Variants in KCNIP1 observed in about 807,000 individuals in gnomAD.
KCNIP1 encodes A-type potassium channel modulatory protein KCNIP1.
A neutral mutation model predicts 33.0 loss-of-function variants in KCNIP1; 18 were observed. That is an observed-to-expected ratio of 0.55 (90% confidence interval 0.38 to 0.81). The LOEUF (loss-of-function observed/expected upper bound fraction) is 0.81. Ranked by LOEUF, KCNIP1 falls within the 30% of genes least tolerant of loss-of-function variation. The pLI, the probability that KCNIP1 is intolerant of heterozygous loss-of-function variation, is 0.00. For synonymous variants in KCNIP1, 93 were observed against 98.3 expected (o/e 0.95, Z 0.32); for missense variants, 238 against 271.6 (o/e 0.88, Z 0.87).
At chr5:170,721,394 A>G (rs112367153) in intron 3 of KCNIP1, among the ~76,000 whole-genome samples, 4,737 of 152,234 alleles carry the variant, frequency 0.031, 86 homozygotes, top group African/African-American at 0.041. Context: ...CATTGTAGAG[A>G]GGTAGGAAAG....
At chr5:170,643,402 C>T (rs991222463) in intron 1 of KCNIP1, among the ~76,000 whole-genome samples, 7 of 152,228 alleles carry the variant, frequency 4.6e-5, no homozygotes, top group Non-Finnish European at 7.3e-5. Context: ...TATGAGAAAC[C>T]AAAACACCAG....
chr5:170,474,746 G>C (rs1326254946), intron 1 of KCNIP1, among the ~76,000 whole-genome samples: 1 of 152,208 alleles, frequency 6.6e-6, no homozygotes, highest in Non-Finnish European at 1.5e-5. Context: ...CAGGTGTTGT[G>C]TCCGTGGGTC....
intron 3 of KCNIP1, 84 bp downstream of exon 3, chr5:170,720,474 C>CATTTG: frequency 9.3e-7 from 1 of 1,073,820 alleles, no homozygotes; most frequent in Non-Finnish European, 1.4e-6. Context: ...TCTTCCTTGC[C>CATTTG]ATTTGCTTCC....
At chr5:170,662,334 C>T (rs780457435) in intron 1 of KCNIP1, among the ~76,000 whole-genome samples, 1 of 152,062 alleles carries the variant, frequency 6.6e-6, no homozygotes, top group Admixed American at 6.5e-5. Context: ...AGGAGCTACC[C>T]GGGGGAGGAA....
chr5:170,363,592 C>T (rs1763574614), intron 1 of KCNIP1, among the ~76,000 whole-genome samples: 2 of 152,340 alleles, frequency 1.3e-5, no homozygotes, highest in South Asian at 4.1e-4. Context: ...AATAGATTTT[C>T]GTTATTTAAC....
intron 1 of KCNIP1, among the ~76,000 whole-genome samples, chr5:170,651,185 G>C (rs1357339868): frequency 1.3e-5 from 2 of 152,186 alleles, no homozygotes; most frequent in Admixed American, 1.3e-4. Flanking sequence ...CCTTCTAACA[G>C]TCAGGGCTCC....
intron 1 of KCNIP1, among the ~76,000 whole-genome samples, chr5:170,667,859 G>A (rs77213339): frequency 0.011 from 1,707 of 152,224 alleles, 33 homozygotes; most frequent in African/African-American, 0.036. Context: ...TTCATCATTC[G>A]GGACTCTTCC....
At chr5:170,528,499 G>C (rs1176103395) in intron 1 of KCNIP1, among the ~76,000 whole-genome samples, 2 of 152,216 alleles carry the variant, frequency 1.3e-5, no homozygotes, top group Non-Finnish European at 2.9e-5. Flanking sequence ...CCAGTGCCTG[G>C]GGCATAGCAC....
intron 1 of KCNIP1, among the ~76,000 whole-genome samples, chr5:170,570,247 C>A (rs764051188): frequency 6.6e-6 from 1 of 152,220 alleles, no homozygotes; most frequent in African/African-American, 2.4e-5. Flanking sequence ...CTCTTACAGG[C>A]ATATCTTGGA....
At chr5:170,615,023 C>T (rs969067243) in intron 1 of KCNIP1, among the ~76,000 whole-genome samples, 1 of 152,170 alleles carries the variant, frequency 6.6e-6, no homozygotes, top group African/African-American at 2.4e-5. Context: ...CAAGGCCAAC[C>T]TGGCCAAATG....
At chr5:170,557,544 C>T (rs189720181) in intron 1 of KCNIP1, among the ~76,000 whole-genome samples, 3 of 152,210 alleles carry the variant, frequency 2.0e-5, no homozygotes, top group African/African-American at 7.2e-5. Flanking sequence ...AGAAATGAAT[C>T]GTGTGGGTCC....
At chr5:170,502,478 G>T (rs529223798), upstream of KCNIP1, among the ~76,000 whole-genome samples, 32 of 152,308 alleles carry the variant, frequency 2.1e-4, 1 homozygote, top group South Asian at 6.4e-3. Flanking sequence ...CATTGAGCCT[G>T]TGTGAATGTG....
intron 1 of KCNIP1, among the ~76,000 whole-genome samples, chr5:170,379,666 A>G (rs1233172945): frequency 6.6e-6 from 1 of 152,188 alleles, no homozygotes; most frequent in Non-Finnish European, 1.5e-5. Flanking sequence ...ACACTTTAAG[A>G]GAAGTTAGAA....
chr5:170,720,624 A>G (rs1283271794), intron 3 of KCNIP1, among the ~76,000 whole-genome samples: 1 of 152,198 alleles, frequency 6.6e-6, no homozygotes, highest in Non-Finnish European at 1.5e-5. Context: ...CAACATCACA[A>G]CGTCTCAGAA....
chr5:170,722,733 G>A lies in KCNIP1; in HGVS notation c.348G>A (p.Ser116=), dbSNP rs147147696. The A allele has an allele frequency of 5.9e-4, 950 of 1,613,398 alleles. 2 individuals carry two copies. Among genetic ancestry groups the A allele is most frequent in the Middle Eastern group, 2.1e-3 (13 of 6,062 alleles). ...VKFEDFVTAL[S]ILLRGTVHEK... is the part of the protein sequence containing the mutation. ...CTCAGGACTTTGTAACCGCTCTGTC[G>A]ATTTTATTGAGAGGAACTGTCCACG... Residue 116 remains serine, a synonymous_variant, in exon 5 of 8, where the codon TCG becomes TCA. Transcript: ENST00000328939.
chr5:170,410,656 TACAA>T (rs1389792192), intron 1 of KCNIP1, among the ~76,000 whole-genome samples: 1 of 152,124 alleles, frequency 6.6e-6, no homozygotes, highest in African/African-American at 2.4e-5. Context: ...AAGCTATAAA[TACAA>T]ACAATGGCCC....
intron 1 of KCNIP1, among the ~76,000 whole-genome samples, chr5:170,651,497 A>ACAAC (rs1376172550): frequency 6.6e-6 from 1 of 152,174 alleles, no homozygotes; most frequent in African/African-American, 2.4e-5. Context: ...TCCACAGTGA[A>ACAAC]CAACCCCGTC....
chr5:170,514,877 A>G (rs934107367), intron 1 of KCNIP1, among the ~76,000 whole-genome samples: 1 of 152,256 alleles, frequency 6.6e-6, no homozygotes, highest in African/African-American at 2.4e-5. Context: ...TCCTTGTGAC[A>G]TTTATATAGC....
intron 5 of KCNIP1, among the ~76,000 whole-genome samples, chr5:170,731,872 CAAAAAAAAAAA>C (rs1157286321): frequency 1.2e-4 from 2 of 16,900 alleles, no homozygotes; most frequent in African/African-American, 2.3e-4. Flanking sequence ...GACTCCGTCT[CAAAAAAAAAAA>C]AAAAAAAAAA....
Sources: gnomAD v4.1 joint callset for allele counts (sites outside exome capture counted in the v4.1 genomes callset) on GRCh38, gnomAD v4.1.1 for gene constraint, MANE v1.5 for transcripts, NCBI Gene and HGNC (gene_info 2026-07-23, HGNC 2026-07-21) for gene names.